The following KDM5C variants were observed in gnomAD, a reference collection of about 807,000 sequenced individuals.
KDM5C encodes lysine demethylase 5C, also known as lysine-specific demethylase 5C.
A neutral mutation model predicts 110.6 loss-of-function variants in KDM5C; 16 were observed. The ratio of observed to expected loss-of-function variants is 0.14; its 90% CI spans 0.10 to 0.22. KDM5C has a LOEUF of 0.22. Among genes scored for constraint, KDM5C ranks in the 10% least tolerant of loss-of-function variants. The probability of loss-of-function intolerance (pLI) is 1.00; values close to 1 mark genes in which losing one functional copy is unlikely to be tolerated. For missense variants in KDM5C, 681 were observed against 1,300.9 expected (o/e 0.52, Z 7.33); for synonymous variants, 511 against 520.4 (o/e 0.98, Z 0.24).
At chrX:53,191,745 T>A (rs185115468), downstream of KDM5C, 2 of 154,722 alleles carry the variant, frequency 1.3e-5, no homozygotes, top group Admixed American at 1.8e-4. Flanking sequence ...TTAAGCAGTA[T>A]ATAATCAGAT....
downstream of KDM5C, chrX:53,191,333 C>T (rs1934408901): frequency 5.8e-6 from 1 of 173,525 alleles, no homozygotes; most frequent in Non-Finnish European, 1.1e-5. Context: ...ACATATTATA[C>T]GATTCCATTT....
intron 14 of KDM5C, among the ~76,000 whole-genome samples, chrX:53,200,993 A>G (rs2073122383): frequency 8.9e-6 from 1 of 112,896 alleles, no homozygotes; most frequent in Non-Finnish European, 1.9e-5. Context: ...CCAAATTTCA[A>G]TCAGTTTCTT....
intron 7 of KDM5C, chrX:53,215,160 T>C: frequency 2.3e-6 from 1 of 425,670 alleles, no homozygotes; most frequent in South Asian, 2.5e-5. Flanking sequence ...TTCATAAAAA[T>C]TAAAAATTGC....
At chrX:53,195,193 C>T (rs781882247) in intron 21 of KDM5C, 38 bp downstream of exon 21, 6 of 1,180,204 alleles carry the variant, frequency 5.1e-6, no homozygotes, top group South Asian at 1.9e-5. Context: ...CCAGGGCAGG[C>T]GTTAAGAGAC....
chrX:53,179,359 G>A (rs1556825203), intron 25 of KDM5C, among the ~76,000 whole-genome samples: 3 of 111,000 alleles, frequency 2.7e-5, no homozygotes, highest in Non-Finnish European at 5.7e-5. Context: ...AAGAGAATGA[G>A]AAAACAAACT....
chrX:53,206,940 C>T (rs1339365868), intron 12 of KDM5C, among the ~76,000 whole-genome samples: 4 of 100,576 alleles, frequency 4.0e-5, no homozygotes, highest in African/African-American at 7.3e-5. Flanking sequence ...TTTGGGAGGC[C>T]GAGGCAGGAG....
chrX:53,203,622 G>A (rs1428825210), intron 12 of KDM5C, among the ~76,000 whole-genome samples: 4 of 110,706 alleles, frequency 3.6e-5, no homozygotes, highest in Non-Finnish European at 7.6e-5. Flanking sequence ...CTTTGTTTGC[G>A]GTATGCTATT....
intron 2 of KDM5C, 22 bp downstream of exon 2, chrX:53,220,817 C>A: frequency 1.7e-6 from 2 of 1,183,137 alleles, no homozygotes; most frequent in Non-Finnish European, 2.3e-6. Context: ...CCAACCCCAC[C>A]ACCAGCTCCT....
In KDM5C at chrX:53,192,924, C is replaced by T. The variant is rs781971436; in HGVS notation, c.*43G>A. ...TGGTCAGAAAGAGGATCCTTGAGGC[C>T]GAGGGGGGTCTCTGTCAGGGTCTGT... On this transcript the variant is annotated 3_prime_UTR_variant, in exon 26 of 26. Transcript: ENST00000375401. 2.6e-5 allele frequency: 25 copies of T among 950,652 alleles called. No homozygotes were observed. The Admixed American group carries it at 8.9e-4, about 34-fold the overall frequency. 78.3% of individuals were successfully genotyped at this position (950,652 alleles called of 1,213,427 possible). A position where few individuals can be genotyped will look rare whatever the true frequency, so the allele number is the denominator to read the frequency against.
chrX:53,203,229 T>G (rs1350785077), intron 12 of KDM5C, among the ~76,000 whole-genome samples: 2 of 112,166 alleles, frequency 1.8e-5, no homozygotes, highest in Non-Finnish European at 3.8e-5. Context: ...TAATGCTTGA[T>G]AAGCATTTGA....
At chrX:53,189,688 C>T (rs1934342219), downstream of KDM5C, among the ~76,000 whole-genome samples, 1 of 112,688 alleles carries the variant, frequency 8.9e-6, no homozygotes, top group Non-Finnish European at 1.9e-5. Context: ...GAAACAGAGT[C>T]ATATGCACAG....
Position 53,193,823 on chromosome X carries a change from C to T in KDM5C, c.4067G>A (p.Ser1356Asn), listed in dbSNP as rs782034722. The change falls in exon 24 of 26, where the codon AGT becomes AAT. Residue 1356 changes from serine to asparagine, a missense_variant. Physicochemically the swap from Ser to Asn is conservative, Grantham distance 46 (BLOSUM62 1). This residue lies in a region of KDM5C where 88 missense variants were observed against 85.6 expected (regional missense o/e 1.03). Coordinates refer to ENST00000375401, the MANE Select transcript of KDM5C (RefSeq NM_004187.5). Reference sequence around the variant, plus strand: ...GGCTACCTTCTCAGGACTGGTCACACTGTCTCCATTCTCCAGTAAGCCCTG... The same window carrying T: ...GGCTACCTTCTCAGGACTGGTCACATTGTCTCCATTCTCCAGTAAGCCCTG... ...KVQGLLENGD[S>N]VTSPEKVAPE... The T allele has an allele frequency of 1.7e-6, 2 of 1,209,450 alleles. No individual in the cohort carries two copies. The highest frequency in any genetic ancestry group is 1.7e-5 in the African/African-American group (1 of 57,155).
rs1556835870 is a variant in KDM5C, at chrX:53,195,241, G to A, written c.3290C>T (p.Thr1097Met). 6.6e-6 allele frequency: 8 copies of A among 1,203,179 alleles called. No individual in the cohort carries two copies. Among genetic ancestry groups the A allele is most frequent in the African/African-American group, 5.2e-5 (3 of 57,730 alleles). The change falls in exon 21 of 26, where the codon ACG becomes ATG. Residue 1097 changes from threonine (T) to methionine (M), a missense_variant. Physicochemically the swap from Thr to Met is moderately conservative, Grantham distance 81 (BLOSUM62 -1). Coordinates refer to ENST00000375401, the MANE Select transcript of KDM5C (RefSeq NM_004187.5). Reference protein sequence around the residue: ...KTFLKKNSCYTLLEVLCPCAD... With the variant: ...KTFLKKNSCYMLLEVLCPCAD... ...GGTCCCAGGCCTCACCTCCAGCAGC[G>A]TGTAGCAAGAATTTTTCTTGAGGAA...
chrX:53,208,688 AG>A (rs2146905415), intron 12 of KDM5C, among the ~76,000 whole-genome samples: 1 of 102,803 alleles, frequency 9.7e-6, no homozygotes, highest in South Asian at 4.6e-4. Flanking sequence ...TATTTTTATT[AG>A]AGACGAGGTT....
At position 53,214,824 on chromosome X, in the gene KDM5C, C is replaced by T; in HGVS notation, c.987G>A (p.Met329Ile). Residue 329 changes from methionine (M) to isoleucine (I), a missense_variant, in exon 8 of 26, where the codon ATG becomes ATA. Met to Ile is a conservative substitution (Grantham distance 10). Coordinates refer to ENST00000375401, the MANE Select transcript of KDM5C (RefSeq NM_004187.5). ...AQFIESYVCR[M>I]CSRGDEDDKL... ...TGTCATCCTCATCCCCTCGAGAACA[C>T]ATCCGGCAGACATATGACTCAATCT... 1 of 1,211,975 alleles carries T rather than the reference C, an allele frequency of 8.3e-7. No homozygotes were observed. Among genetic ancestry groups the T allele is most frequent in the African/African-American group, 1.7e-5 (1 of 57,864 alleles).
chrX:53,205,844 A>T (rs2073311469), intron 12 of KDM5C, among the ~76,000 whole-genome samples: 1 of 111,936 alleles, frequency 8.9e-6, no homozygotes. Context: ...ATCTAGTCCC[A>T]GGCTTAGTTT....
chrX:53,189,222 C>T (rs1329163958), downstream of KDM5C, among the ~76,000 whole-genome samples: 1 of 111,039 alleles, frequency 9.0e-6, no homozygotes, highest in Non-Finnish European at 1.9e-5. Context: ...AATTCCCAAC[C>T]TACCAACAGC....
intron 12 of KDM5C, among the ~76,000 whole-genome samples, chrX:53,206,628 C>A (rs2073338276): frequency 9.1e-6 from 1 of 110,229 alleles, no homozygotes; most frequent in African/African-American, 3.3e-5. Context: ...GTTTGAGAGA[C>A]CGAGGCGGGC....
chrX:53,217,149 C>A lies in KDM5C; in HGVS notation c.651G>T (p.Gln217His), dbSNP rs1043405590. 1 of 1,207,695 alleles carries A rather than the reference C, an allele frequency of 8.3e-7. No homozygotes were observed. The highest frequency in any genetic ancestry group is 1.7e-5 in the African/African-American group (1 of 57,826). The change falls in exon 5 of 26, where the codon CAG (glutamine) becomes CAT (histidine). Residue 217 changes from glutamine (Q) to histidine (H), a missense_variant. Transcript: ENST00000375401. ...GAAGAAGGGGAGTACTCACATCAGGCTGCAGTCTCTTGGCCCGCCGGCCAT... is the reference window on the plus strand; with the variant it reads ...GAAGAAGGGGAGTACTCACATCAGGATGCAGTCTCTTGGCCCGCCGGCCAT... The part of the protein sequence containing the change: ...NSYGRRAKRL[Q>H]PDPEPTEEDI...
Sources: allele counts gnomAD v4.1 joint callset (sites outside exome capture counted in the v4.1 genomes callset), GRCh38; gene constraint gnomAD v4.1.1; regional missense constraint gnomAD v4.1.1; transcripts MANE v1.5; gene names NCBI Gene and HGNC (gene_info 2026-07-23, HGNC 2026-07-21).